PTPN13: variants seen among roughly 807,000 people sequenced by gnomAD.
PTPN13 encodes protein tyrosine phosphatase non-receptor type 13.
In PTPN13, 191 loss-of-function variants were observed where a neutral mutation model predicts 284.0. The observed-to-expected ratio is 0.67, with a 90% CI of 0.60 to 0.76. The LOEUF (loss-of-function observed/expected upper bound fraction) is 0.76. Ranked by LOEUF, PTPN13 falls within the 30% of genes least tolerant of loss-of-function variation. The pLI is 0.00. For missense variants in PTPN13, 2,797 were observed against 2,939.9 expected (o/e 0.95, Z 1.12); for synonymous variants, 986 against 1,022.3 (o/e 0.96, Z 0.68).
intron 40 of PTPN13, among the ~76,000 whole-genome samples, chr4:86,788,587 G>T (rs1407349850): frequency 1.3e-5 from 2 of 152,112 alleles, no homozygotes; most frequent in Non-Finnish European, 2.9e-5. Context: ...TATTGTAATT[G>T]TACTCTTTGG....
intron 5 of PTPN13, among the ~76,000 whole-genome samples, chr4:86,690,892 G>T (rs951746463): frequency 3.9e-5 from 6 of 151,902 alleles, no homozygotes; most frequent in African/African-American, 4.8e-5. Flanking sequence ...CTGTGCTAGG[G>T]ATTATAGAAG....
chr4:86,665,804 G>C (rs751083355), intron 2 of PTPN13, among the ~76,000 whole-genome samples: 5 of 152,144 alleles, frequency 3.3e-5, no homozygotes, highest in African/African-American at 4.8e-5. Context: ...ACTTGTCATG[G>C]ATGATATGCT....
intron 1 of PTPN13, among the ~76,000 whole-genome samples, chr4:86,597,190 ACT>A (rs1223915561): frequency 2.0e-5 from 3 of 150,308 alleles, no homozygotes; most frequent in Admixed American, 2.0e-4. Context: ...TCCCTGAAAA[ACT>A]CTCTTTTAAT....
chr4:86,780,490 T>G lies in PTPN13; in HGVS notation c.5962+18T>G. On this transcript the variant is annotated intron_variant, in intron 36 of 47. Transcript: ENST00000411767. ...AGGCAATGGTAAGGATATATTCATT[T>G]TACTGTACTCTCCTACGGTAATGGG... 1 of 1,509,122 alleles carries G rather than the reference T, an allele frequency of 6.6e-7. No homozygotes were observed. 93.5% of individuals were successfully genotyped at this position (1,509,122 alleles called of 1,614,324 possible).
intron 2 of PTPN13, among the ~76,000 whole-genome samples, chr4:86,636,187 A>G (rs1476506467): frequency 6.6e-6 from 1 of 152,146 alleles, no homozygotes; most frequent in East Asian, 1.9e-4. Flanking sequence ...GGGGAAAAAA[A>G]TCTGGTAGAA....
At chr4:86,714,691 AG>A (rs1732817352) in intron 7 of PTPN13, among the ~76,000 whole-genome samples, 1 of 152,186 alleles carries the variant, frequency 6.6e-6, no homozygotes, top group African/African-American at 2.4e-5. Flanking sequence ...CAATGAAAAT[AG>A]TTGTCTTAAA....
chr4:86,764,832 A>T, intron 25 of PTPN13, 108 bp downstream of exon 25: 1 of 1,237,542 alleles, frequency 8.1e-7, no homozygotes. Flanking sequence ...GACACATCAA[A>T]TACCTCCAAA....
At chr4:86,792,436 A>G (rs1257053169) in intron 40 of PTPN13, among the ~76,000 whole-genome samples, 1 of 152,222 alleles carries the variant, frequency 6.6e-6, no homozygotes, top group Non-Finnish European at 1.5e-5. Flanking sequence ...AACACTCTTC[A>G]GGATATTATC....
At position 86,699,754 on chromosome 4, in the gene PTPN13, C is replaced by CT. The variant is rs150590149; in HGVS notation, c.635-1480dup. 3.4e-3 allele frequency among the ~76,000 whole-genome samples: 514 copies of CT among 152,160 alleles called. 5 individuals are homozygous for CT. The highest frequency in any genetic ancestry group is 0.012 in the African/African-American group (489 of 41,514). The stretch of plus-strand genomic sequence containing the variant: ...TTATGATCCTTGAATCCTTTCCATT[C>CT]TTTTTTTAAATCTATTGTGTTCTAT... On this transcript the variant is annotated intron_variant, in intron 6 of 47. Transcript: ENST00000411767.
At position 86,767,886 on chromosome 4, in the gene PTPN13, T is replaced by C. The variant is rs752793503; in HGVS notation, c.4399T>C (p.Cys1467Arg). ...SKEHVPVTPQ[C>R]TLSDQNAQGQ... ...AGAACATGTCCCGGTAACCCCACAG[T>C]GTACCCTTTCAGATCAGAATGCCCA... Residue 1467 changes from cysteine to arginine, a missense_variant, in exon 28 of 48, where the codon TGT (cysteine) becomes CGT (arginine). Cys to Arg is a radical substitution (Grantham distance 180). Transcript: ENST00000411767. 6 of 1,608,398 alleles carry C rather than the reference T, an allele frequency of 3.7e-6. No individual in the cohort carries two copies. Among genetic ancestry groups the C allele is most frequent in the South Asian group, 3.3e-5 (3 of 89,790 alleles).
At chr4:86,604,932 A>G (rs1271570018) in intron 1 of PTPN13, among the ~76,000 whole-genome samples, 5 of 152,054 alleles carry the variant, frequency 3.3e-5, no homozygotes, top group African/African-American at 1.2e-4. Context: ...ATTAACTGCA[A>G]TGAAAGCTTT....
At chr4:86,636,664 A>G (rs1365359096) in intron 2 of PTPN13, among the ~76,000 whole-genome samples, 1 of 152,180 alleles carries the variant, frequency 6.6e-6, no homozygotes, top group African/African-American at 2.4e-5. Context: ...AATCTCTGGG[A>G]CACATTCAAA....
chr4:86,628,379 T>C lies in PTPN13; in HGVS notation c.-5-6873T>C, dbSNP rs1399938895. Among the ~76,000 whole-genome samples, 4 of 152,228 alleles carry C rather than the reference T, an allele frequency of 2.6e-5. No homozygotes were observed. In the East Asian group the frequency reaches 7.7e-4, roughly 29 times the overall value. The stretch of plus-strand genomic sequence containing the variant: ...TGCCAGCCGTATATCTTCTCTGATG[T>C]CCATTCAAATCTAAAAAAAACTGGA... On this transcript the variant is annotated intron_variant, in intron 1 of 47. Transcript: ENST00000411767.
Position 86,758,258 on chromosome 4 carries a change from A to G in PTPN13, c.3224-2A>G. 2 of 1,592,032 alleles carry G rather than the reference A, an allele frequency of 1.3e-6. No individual in the cohort carries two copies. Among genetic ancestry groups the G allele is most frequent in the Non-Finnish European group, 1.7e-6 (2 of 1,163,242 alleles). On this transcript the variant is annotated splice_acceptor_variant, in intron 20 of 47. Transcript: ENST00000411767. LOFTEE classifies it high-confidence loss of function. The stretch of plus-strand genomic sequence containing the variant: ...TATTTTTAAATTATAAATTCCCAAT[A>G]GATGTGCTACACAAAAGATGGAGCA...
At chr4:86,731,852 G>A (rs1235733797) in intron 10 of PTPN13, among the ~76,000 whole-genome samples, 1 of 152,070 alleles carries the variant, frequency 6.6e-6, no homozygotes, top group Non-Finnish European at 1.5e-5. Flanking sequence ...ATGTTGCCCA[G>A]GTTGGTCTGA....
intron 46 of PTPN13, 141 bp downstream of exon 46, chr4:86,810,125 GA>G: frequency 1.5e-6 from 1 of 648,668 alleles, no homozygotes; most frequent in Non-Finnish European, 2.5e-6. Flanking sequence ...TATTATTATA[GA>G]AAATTGTATT....
chr4:86,703,710 A>T (rs1192853376), intron 7 of PTPN13, among the ~76,000 whole-genome samples: 5 of 152,116 alleles, frequency 3.3e-5, no homozygotes, highest in Admixed American at 6.5e-5. Flanking sequence ...CTACAAAAAA[A>T]ATTTTTTAAT....
In PTPN13 at chr4:86,726,418, C is replaced by T. The variant is rs375454407; in HGVS notation, c.1608+3984C>T. Among the ~76,000 whole-genome samples, 47 of 149,402 alleles carry T rather than the reference C, an allele frequency of 3.1e-4. 2 individuals are homozygous for T. Among genetic ancestry groups the T allele is most frequent in the Middle Eastern group, 6.9e-3 (2 of 290 alleles). ...TATAAATTACTTTGGGCAGTATGGC[C>T]ATTTTCATGATATTGATTCCTCCTA... On this transcript the variant is annotated intron_variant, in intron 10 of 47. Coordinates refer to ENST00000411767, the MANE Select transcript of PTPN13 (RefSeq NM_080683.3).
intron 3 of PTPN13, among the ~76,000 whole-genome samples, chr4:86,685,658 T>C (rs1729366171): frequency 6.6e-6 from 1 of 152,188 alleles, no homozygotes; most frequent in African/African-American, 2.4e-5. Context: ...GATTTATTGG[T>C]CAATTTTTAG....
Sources: gnomAD v4.1 joint callset for allele counts (sites outside exome capture counted in the v4.1 genomes callset) on GRCh38, gnomAD v4.1.1 for gene constraint, MANE v1.5 for transcripts, NCBI Gene and HGNC (gene_info 2026-07-23, HGNC 2026-07-21) for gene names.